The following NFATC1 variants were observed in gnomAD, a reference collection of about 807,000 sequenced individuals.
NFATC1 encodes the protein nuclear factor of activated T cells 1.
In NFATC1, 22 loss-of-function variants were observed where a neutral mutation model predicts 76.0. That is an observed-to-expected ratio of 0.29 (90% confidence interval 0.21 to 0.41). The LOEUF is 0.41. NFATC1 is among the 10% of genes least tolerant of loss of function. The pLI, the probability that NFATC1 is intolerant of heterozygous loss-of-function variation, is 1.00. For missense variants in NFATC1, 1,357 were observed against 1,337.7 expected, an observed-to-expected ratio of 1.01 and a Z score of -0.23; for synonymous variants, 704 against 613.1, an observed-to-expected ratio of 1.15 and a Z score of -2.19.
At chr18:79,469,207 C>A (rs891501494) in intron 8 of NFATC1, 2 of 357,404 alleles carry the variant, frequency 5.6e-6, no homozygotes, top group African/African-American at 2.2e-5. Context: ...TGATTGAGTC[C>A]TAATTAAACT....
chr18:79,446,178 G>A (rs1216362763), intron 3 of NFATC1, among the ~76,000 whole-genome samples: 1 of 152,194 alleles, frequency 6.6e-6, no homozygotes, highest in Non-Finnish European at 1.5e-5. Flanking sequence ...TTCTTAAAAT[G>A]AACTTCATGT....
At chr18:79,414,866 G>T (rs1053459001) in intron 2 of NFATC1, among the ~76,000 whole-genome samples, 2 of 152,204 alleles carry the variant, frequency 1.3e-5, no homozygotes, top group Non-Finnish European at 2.9e-5. Context: ...GGCGTTGCCG[G>T]GCTGCGTCTG....
Position 79,503,396 on chromosome 18 carries a change from A to C in NFATC1, c.2782+16459A>C, listed in dbSNP as rs138191724. Among the ~76,000 whole-genome samples, 24 of 152,354 alleles carry C rather than the reference A, an allele frequency of 1.6e-4. No individual in the cohort carries two copies. In the East Asian group the frequency reaches 4.6e-3, roughly 29 times the overall value. ...AGTGTGCACCAGCAATGTGTCTAAA[A>C]AAACAGTGTTTGTACCTGCGTGGGG... On this transcript the variant is annotated intron_variant, in intron 9 of 9. Coordinates refer to ENST00000427363, the MANE Select transcript of NFATC1 (RefSeq NM_001278669.2).
At chr18:79,432,737 C>T (rs984168729) in intron 2 of NFATC1, among the ~76,000 whole-genome samples, 1 of 152,230 alleles carries the variant, frequency 6.6e-6, no homozygotes, top group Non-Finnish European at 1.5e-5. Flanking sequence ...TTGGGTGCAC[C>T]GTGTGGCCCC....
intron 9 of NFATC1, among the ~76,000 whole-genome samples, chr18:79,522,126 A>G (rs1282849843): frequency 2.3e-4 from 12 of 52,928 alleles, no homozygotes; most frequent in African/African-American, 5.0e-4. Context: ...GTGTATGGGG[A>G]GGGGGTGTCC....
chr18:79,431,399 C>T (rs989312994), intron 2 of NFATC1, among the ~76,000 whole-genome samples: 2 of 152,214 alleles, frequency 1.3e-5, no homozygotes, highest in Non-Finnish European at 2.9e-5. Context: ...CCCTGTCGCC[C>T]AGGCTGAAGC....
intron 1 of NFATC1, among the ~76,000 whole-genome samples, chr18:79,399,188 A>G (rs750839361): frequency 2.0e-5 from 3 of 152,274 alleles, no homozygotes; most frequent in Admixed American, 2.0e-4. Context: ...ACAACGCTCC[A>G]ACATCCATCC....
intron 8 of NFATC1, 126 bp downstream of exon 8, chr18:79,467,708 T>C (rs1355605630): frequency 1.4e-6 from 2 of 1,408,624 alleles, no homozygotes; most frequent in Non-Finnish European, 1.9e-6. Flanking sequence ...TGATGTCCCG[T>C]TAGTGAGACC....
intron 9 of NFATC1, among the ~76,000 whole-genome samples, chr18:79,525,496 CCACG>C (rs2090737134): frequency 7.5e-6 from 1 of 133,526 alleles, no homozygotes; most frequent in African/African-American, 3.0e-5. Flanking sequence ...TCAGGCCTCC[CCACG>C]TCCCACCGTC....
intron 8 of NFATC1, among the ~76,000 whole-genome samples, chr18:79,482,901 G>A (rs1471541666): frequency 1.4e-5 from 2 of 139,876 alleles, no homozygotes. Flanking sequence ...ATTCCAGCGT[G>A]ACCTGGTCCT....
At chr18:79,518,917 T>G in intron 9 of NFATC1, among the ~76,000 whole-genome samples, 1 of 152,214 alleles carries the variant, frequency 6.6e-6, no homozygotes, top group Admixed American at 6.5e-5. Context: ...AGGAAGTTGT[T>G]TCTCCGTGTG....
At chr18:79,457,468 C>T (rs1440830209) in intron 6 of NFATC1, among the ~76,000 whole-genome samples, 1 of 152,192 alleles carries the variant, frequency 6.6e-6, no homozygotes, top group African/African-American at 2.4e-5. Context: ...CTTCTGGCTC[C>T]CCTCCCTCCT....
chr18:79,499,991 G>A (rs912837808), intron 9 of NFATC1, among the ~76,000 whole-genome samples: 17 of 152,122 alleles, frequency 1.1e-4, no homozygotes, highest in African/African-American at 3.9e-4. Flanking sequence ...AGAACTGACA[G>A]AATTAAAGGG....
intron 4 of NFATC1, among the ~76,000 whole-genome samples, chr18:79,449,452 C>T (rs1009205104): frequency 2.0e-5 from 3 of 152,192 alleles, no homozygotes; most frequent in South Asian, 4.1e-4. Context: ...AAGGTGAGGA[C>T]GAAACATGTA....
intron 9 of NFATC1, chr18:79,498,129 A>G (rs2089937360): frequency 6.6e-6 from 1 of 152,030 alleles, no homozygotes; most frequent in Non-Finnish European, 1.5e-5. Context: ...CCAGTTGTAA[A>G]CCAAAAAATT....
chr18:79,478,568 C>T (rs2089164853), intron 8 of NFATC1, among the ~76,000 whole-genome samples: 2 of 152,190 alleles, frequency 1.3e-5, no homozygotes, highest in Admixed American at 1.3e-4. Flanking sequence ...GATGGCAGCC[C>T]ATTTTCCAGG....
chr18:79,466,206 T>A (rs1394457587), intron 7 of NFATC1, among the ~76,000 whole-genome samples: 1 of 152,260 alleles, frequency 6.6e-6, no homozygotes, highest in Non-Finnish European at 1.5e-5. Context: ...TCTTTAACAC[T>A]CTTAAGATTT....
intron 1 of NFATC1, chr18:79,400,579 G>A (rs1363924512): frequency 9.0e-7 from 1 of 1,110,962 alleles, no homozygotes; most frequent in Non-Finnish European, 1.2e-6. Flanking sequence ...GGGACCCCAG[G>A]AGTCCCCGGC....
chr18:79,424,609 GTCTGTCTC>G (rs1386515405), intron 2 of NFATC1, among the ~76,000 whole-genome samples: 1 of 139,828 alleles, frequency 7.2e-6, no homozygotes, highest in Non-Finnish European at 1.6e-5. Context: ...CTGTCTCTCC[GTCTGTCTC>G]TCTGTCTCTC....
Sources: gnomAD v4.1 joint callset for allele counts (sites outside exome capture counted in the v4.1 genomes callset) on GRCh38, gnomAD v4.1.1 for gene constraint, MANE v1.5 for transcripts, NCBI Gene and HGNC (gene_info 2026-07-23, HGNC 2026-07-21) for gene names.